Variants in MARK3 observed in about 807,000 individuals in gnomAD.
MARK3 encodes MAP/microtubule affinity-regulating kinase 3.
A neutral mutation model predicts 90.1 loss-of-function variants in MARK3; 46 were observed. The observed-to-expected ratio is 0.51, with a 90% CI of 0.40 to 0.65. The LOEUF is 0.65. Among genes scored for constraint, MARK3 ranks in the 30% least tolerant of loss-of-function variants. The pLI, the probability that MARK3 is intolerant of heterozygous loss-of-function variation, is 0.00. For missense variants in MARK3, 818 were observed against 947.2 expected (o/e 0.86, Z 1.79); for synonymous variants, 321 against 332.6 (o/e 0.97, Z 0.38).
At chr14:103,411,081 T>C (rs559511103) in intron 2 of MARK3, among the ~76,000 whole-genome samples, 68 of 152,340 alleles carry the variant, frequency 4.5e-4, no homozygotes, top group African/African-American at 1.5e-3. Flanking sequence ...GAGACCATCC[T>C]GGATAACACG....
At chr14:103,464,540 T>C (rs2093467345) in intron 7 of MARK3, among the ~76,000 whole-genome samples, 1 of 151,960 alleles carries the variant, frequency 6.6e-6, no homozygotes, top group Non-Finnish European at 1.5e-5. Context: ...CCTCAGGTGA[T>C]CCACCCGCCT....
At chr14:103,463,962 G>A (rs2093451319) in intron 7 of MARK3, among the ~76,000 whole-genome samples, 1 of 152,090 alleles carries the variant, frequency 6.6e-6, no homozygotes, top group Non-Finnish European at 1.5e-5. Flanking sequence ...GTCTCACATG[G>A]GTTCTCAGAC....
chr14:103,464,672 T>G (rs1049574256), intron 7 of MARK3, among the ~76,000 whole-genome samples: 3 of 152,056 alleles, frequency 2.0e-5, no homozygotes, highest in African/African-American at 4.8e-5. Context: ...TATTTAGCCG[T>G]TTTTATGAAA....
At chr14:103,431,703 C>T (rs949948562) in intron 3 of MARK3, among the ~76,000 whole-genome samples, 4 of 152,178 alleles carry the variant, frequency 2.6e-5, no homozygotes, top group Admixed American at 1.3e-4. Flanking sequence ...CACTCCTTCC[C>T]GTAGCATCTT....
At chr14:103,440,320 T>G (rs1375448472) in intron 3 of MARK3, among the ~76,000 whole-genome samples, 1 of 152,236 alleles carries the variant, frequency 6.6e-6, no homozygotes, top group East Asian at 1.9e-4. Flanking sequence ...TAAATATATA[T>G]ACTTAGAATT....
chr14:103,408,498 T>C (rs1437698483), intron 2 of MARK3, among the ~76,000 whole-genome samples: 1 of 152,176 alleles, frequency 6.6e-6, no homozygotes, highest in African/African-American at 2.4e-5. Context: ...CTGAATGTAG[T>C]AATACTTTTG....
At chr14:103,461,835 G>A (rs998265076) in intron 6 of MARK3, among the ~76,000 whole-genome samples, 2 of 152,170 alleles carry the variant, frequency 1.3e-5, no homozygotes, top group Admixed American at 6.5e-5. Flanking sequence ...TCAGGAGTTC[G>A]AGACCAGCCT....
intron 2 of MARK3, among the ~76,000 whole-genome samples, chr14:103,406,120 T>A (rs2140708415): frequency 6.6e-6 from 1 of 151,608 alleles, no homozygotes; most frequent in Middle Eastern, 3.4e-3. Flanking sequence ...GGTCTTGAAC[T>A]CCTGTGTTCA....
intron 13 of MARK3, among the ~76,000 whole-genome samples, chr14:103,478,596 A>G (rs1179458748): frequency 5.3e-5 from 8 of 150,504 alleles, no homozygotes; most frequent in Admixed American, 2.0e-4. Flanking sequence ...CCAGAGTGCA[A>G]TGGCACGATC....
chr14:103,432,907 C>CT (rs545320131), intron 3 of MARK3, among the ~76,000 whole-genome samples: 2 of 151,706 alleles, frequency 1.3e-5, no homozygotes, highest in Non-Finnish European at 1.5e-5. Context: ...TTCAGAATTC[C>CT]TTTTTTTTGT....
chr14:103,496,435 C>T (rs969009690), intron 15 of MARK3, among the ~76,000 whole-genome samples: 34 of 148,516 alleles, frequency 2.3e-4, no homozygotes, highest in African/African-American at 7.5e-4. Flanking sequence ...TTTTTTGAGA[C>T]GGAGTCTCGC....
chr14:103,488,478 C>T (rs1031858007), intron 14 of MARK3, among the ~76,000 whole-genome samples: 1 of 152,138 alleles, frequency 6.6e-6, no homozygotes, highest in Non-Finnish European at 1.5e-5. Flanking sequence ...TAAATTTTTG[C>T]CTTTATAAGA....
chr14:103,423,388 A>G (rs1370575544), intron 2 of MARK3, among the ~76,000 whole-genome samples: 1 of 151,872 alleles, frequency 6.6e-6, no homozygotes, highest in African/African-American at 2.4e-5. Context: ...TCCCATCCCT[A>G]TTTTGTAATA....
chr14:103,445,378 G>A (rs1017492547), intron 3 of MARK3, among the ~76,000 whole-genome samples: 5 of 152,110 alleles, frequency 3.3e-5, no homozygotes, highest in African/African-American at 1.2e-4. Flanking sequence ...TGTCCTGCTT[G>A]TTTAACTTAG....
intron 14 of MARK3, chr14:103,491,402 G>C (rs937951752): frequency 9.4e-6 from 2 of 211,818 alleles, no homozygotes; most frequent in African/African-American, 4.7e-5. Flanking sequence ...TTAGTTGCCT[G>C]TTCTTCAGTT....
chr14:103,458,576 A>G, intron 6 of MARK3: 1 of 460,864 alleles, frequency 2.2e-6, no homozygotes. Flanking sequence ...GCCAGAGGCC[A>G]TAATTTGCCA....
intron 2 of MARK3, among the ~76,000 whole-genome samples, chr14:103,413,875 A>G (rs1479025437): frequency 6.6e-6 from 1 of 152,114 alleles, no homozygotes; most frequent in Non-Finnish European, 1.5e-5. Context: ...TGTTGCATAT[A>G]TTGACAGTTT....
chr14:103,465,670 C>T lies in MARK3; in HGVS notation c.654C>T (p.Tyr218=), dbSNP rs367593157. The T allele has an allele frequency of 8.1e-6, 13 of 1,614,066 alleles. No homozygotes were observed. Among genetic ancestry groups the T allele is most frequent in the East Asian group, 6.7e-5 (3 of 44,882 alleles). Residue 218 remains tyrosine (Y), a synonymous_variant, in exon 8 of 18, where the codon TAC becomes TAT. Transcript: ENST00000429436. ...KLDTFCGSPP[Y]AAPELFQGKK... is the part of the protein sequence containing the mutation. Reference sequence around the variant, plus strand: ...ACACGTTTTGTGGCAGTCCTCCATACGCAGCACCTGAGCTCTTCCAGGGCA... The same window carrying T: ...ACACGTTTTGTGGCAGTCCTCCATATGCAGCACCTGAGCTCTTCCAGGGCA...
intron 1 of MARK3, among the ~76,000 whole-genome samples, chr14:103,399,361 G>A (rs960475854): frequency 3.3e-5 from 5 of 152,032 alleles, no homozygotes; most frequent in African/African-American, 9.7e-5. Flanking sequence ...TTGGCTGAAC[G>A]TCACAAAGAC....
Sources: allele counts gnomAD v4.1 joint callset (sites outside exome capture counted in the v4.1 genomes callset), GRCh38; gene constraint gnomAD v4.1.1; transcripts MANE v1.5; gene names NCBI Gene and HGNC (gene_info 2026-07-23, HGNC 2026-07-21).